The following DMD variants were observed in gnomAD, a reference collection of about 807,000 sequenced individuals.
DMD encodes dystrophin.
In DMD, 63 loss-of-function variants were observed where a neutral mutation model predicts 330.1. That is an observed-to-expected ratio of 0.19 (90% CI 0.16 to 0.24). The LOEUF (loss-of-function observed/expected upper bound fraction) is 0.24, where lower values mean the gene tolerates loss of function less well. DMD is among the 10% of genes least tolerant of loss of function. The pLI, the probability that DMD is intolerant of heterozygous loss-of-function variation, is 1.00. For missense variants in DMD, 3,344 were observed against 2,684.1 expected (o/e 1.25, Z -5.43); for synonymous variants, 1,223 against 959.8 (o/e 1.27, Z -5.07).
At chrX:33,016,881 A>T (rs1449110375) in intron 2 of DMD, among the ~76,000 whole-genome samples, 1 of 112,061 alleles carries the variant, frequency 8.9e-6, no homozygotes, top group Non-Finnish European at 1.9e-5. Flanking sequence ...GATGAGCAAG[A>T]TTTTTATAAT....
At chrX:32,743,603 T>C (rs772333328) in intron 7 of DMD, among the ~76,000 whole-genome samples, 9 of 111,334 alleles carry the variant, frequency 8.1e-5, no homozygotes, top group Non-Finnish European at 1.7e-4. Flanking sequence ...TTTCCAATAA[T>C]TTCTGAATGC....
chrX:32,273,499 C>CTT (rs11364033), intron 43 of DMD, among the ~76,000 whole-genome samples: 12 of 102,327 alleles, frequency 1.2e-4, no homozygotes, highest in Admixed American at 3.2e-4. Flanking sequence ...TTCCAATATT[C>CTT]TTTTTTTTTT....
chrX:32,903,008 T>C (rs899975063), intron 2 of DMD, among the ~76,000 whole-genome samples: 1 of 107,028 alleles, frequency 9.3e-6, no homozygotes, highest in Non-Finnish European at 1.9e-5. Context: ...AATACAAAAA[T>C]TAGCTGGGCT....
Position 31,565,310 on chromosome X carries a change from C to G in DMD, c.8218-57857G>C, listed in dbSNP as rs776445827. Among the ~76,000 whole-genome samples, 95 of 111,149 alleles carry G rather than the reference C, an allele frequency of 8.5e-4. 1 individual carries two copies. Among genetic ancestry groups the G allele is most frequent in the Non-Finnish European group, 1.5e-3 (82 of 52,977 alleles). On this transcript the variant is annotated intron_variant, in intron 55 of 78. Transcript: ENST00000357033. Reference sequence around the variant, plus strand: ...TCTCTCTCTCTTTCCCCTGTTGTCCCGGACTCCTTGCAATCACCAATCTGT... The same window carrying G: ...TCTCTCTCTCTTTCCCCTGTTGTCCGGGACTCCTTGCAATCACCAATCTGT...
intron 5 of DMD, among the ~76,000 whole-genome samples, chrX:32,821,712 C>CA (rs1465097213): frequency 1.8e-5 from 2 of 111,279 alleles, no homozygotes; most frequent in Admixed American, 9.6e-5. Context: ...AAGCCAGACA[C>CA]AAAAGAACAT....
intron 56 of DMD, among the ~76,000 whole-genome samples, 182 bp downstream of exon 56, chrX:31,507,099 C>T (rs188082661): frequency 9.0e-6 from 1 of 111,690 alleles, no homozygotes; most frequent in African/African-American, 3.2e-5. Flanking sequence ...TAATCTGAAT[C>T]CTCAAGTATC....
intron 59 of DMD, among the ~76,000 whole-genome samples, chrX:31,456,470 C>T (rs2066169418): frequency 8.9e-6 from 1 of 111,865 alleles, no homozygotes; most frequent in African/African-American, 3.2e-5. Flanking sequence ...TTATAAACGT[C>T]TCCTCGAACT....
At chrX:32,001,276 AT>A (rs771657750) in intron 44 of DMD, among the ~76,000 whole-genome samples, 1 of 111,672 alleles carries the variant, frequency 9.0e-6, no homozygotes, top group East Asian at 2.8e-4. Context: ...TTATACCTCA[AT>A]AAAACAAAAA....
intron 55 of DMD, among the ~76,000 whole-genome samples, chrX:31,511,535 A>C (rs1406242939): frequency 4.7e-5 from 4 of 85,531 alleles, no homozygotes; most frequent in African/African-American, 1.8e-4. Flanking sequence ...TCCTGTGTCC[A>C]TGTGTTCTCA....
At chrX:31,964,626 T>TGA (rs1491083845) in intron 45 of DMD, among the ~76,000 whole-genome samples, 3 of 108,206 alleles carry the variant, frequency 2.8e-5, no homozygotes, top group Non-Finnish European at 3.8e-5. Flanking sequence ...TGTGTGTGTG[T>TGA]GATGCCCTAT....
At chrX:31,423,762 C>A (rs1012332930) in intron 60 of DMD, among the ~76,000 whole-genome samples, 2 of 111,057 alleles carry the variant, frequency 1.8e-5, no homozygotes, top group African/African-American at 6.6e-5. Flanking sequence ...TTTTTAAACC[C>A]GTGAACACCA....
At chrX:31,415,240 C>T (rs745715798) in intron 60 of DMD, among the ~76,000 whole-genome samples, 1 of 112,374 alleles carries the variant, frequency 8.9e-6, no homozygotes. Flanking sequence ...AAGATGAAAA[C>T]ACATTGATCA....
At chrX:31,373,201 T>TA in intron 60 of DMD, among the ~76,000 whole-genome samples, 1 of 106,733 alleles carries the variant, frequency 9.4e-6, no homozygotes, top group African/African-American at 3.5e-5. Flanking sequence ...CATTCCATGC[T>TA]CATGGGTAGG....
chrX:32,592,181 C>T (rs1041560444), intron 13 of DMD, among the ~76,000 whole-genome samples: 1 of 111,306 alleles, frequency 9.0e-6, no homozygotes, highest in Non-Finnish European at 1.9e-5. Context: ...CAGAGAAACC[C>T]CTCCTTCAAG....
At chrX:31,683,313 G>T (rs2082487050) in intron 52 of DMD, among the ~76,000 whole-genome samples, 1 of 112,131 alleles carries the variant, frequency 8.9e-6, no homozygotes, top group Non-Finnish European at 1.9e-5. Flanking sequence ...AAACAAAAGG[G>T]TTTAAGACAG....
intron 9 of DMD, among the ~76,000 whole-genome samples, chrX:32,690,076 A>T (rs1394193778): frequency 9.0e-6 from 1 of 110,591 alleles, no homozygotes; most frequent in Non-Finnish European, 1.9e-5. Flanking sequence ...TAGGCAAAAA[A>T]AAAAAAGTAA....
chrX:31,778,431 T>C (rs944218449), intron 50 of DMD, among the ~76,000 whole-genome samples: 2 of 111,707 alleles, frequency 1.8e-5, no homozygotes, highest in Admixed American at 1.9e-4. Context: ...ATTAGAGCCA[T>C]TTCTGTTCAG....
intron 17 of DMD, among the ~76,000 whole-genome samples, chrX:32,524,718 T>C (rs1231856049): frequency 8.9e-6 from 1 of 112,302 alleles, no homozygotes; most frequent in Non-Finnish European, 1.9e-5. Flanking sequence ...ATAATTCAAA[T>C]CAATTCAAAC....
intron 2 of DMD, among the ~76,000 whole-genome samples, chrX:32,883,945 A>G (rs1400648372): frequency 9.2e-6 from 1 of 109,064 alleles, no homozygotes; most frequent in Non-Finnish European, 1.9e-5. Context: ...GATGTTCTAT[A>G]GAGGCACTTG....
Sources: allele counts gnomAD v4.1 joint callset (sites outside exome capture counted in the v4.1 genomes callset), GRCh38; gene constraint gnomAD v4.1.1; transcripts MANE v1.5; gene names NCBI Gene and HGNC (gene_info 2026-07-23, HGNC 2026-07-21).